Variants in ADAP2 observed in about 807,000 individuals in gnomAD.
The protein encoded by ADAP2 is arf-GAP with dual PH domain-containing protein 2.
Under a neutral mutation model 54.9 loss-of-function variants are expected in ADAP2, and 42 were observed. The ratio of observed to expected loss-of-function variants is 0.77; its 90% CI spans 0.60 to 0.99. The LOEUF is 0.99. ADAP2 is among the 50% of genes least tolerant of loss of function. The pLI is 0.00. For missense variants in ADAP2, 429 were observed against 480.4 expected, an observed-to-expected ratio of 0.89 and a Z score of 1.00; for synonymous variants, 177 against 180.1, an observed-to-expected ratio of 0.98 and a Z score of 0.14.
chr17:30,923,400 G>A (rs894978341), intron 2 of ADAP2, among the ~76,000 whole-genome samples: 1 of 151,910 alleles, frequency 6.6e-6, no homozygotes, highest in Admixed American at 6.6e-5. Context: ...AAGCAGCTGG[G>A]ATTACAGGCG....
At chr17:30,954,804 G>A (rs761086214) in intron 9 of ADAP2, among the ~76,000 whole-genome samples, 8 of 152,092 alleles carry the variant, frequency 5.3e-5, no homozygotes, top group Admixed American at 2.0e-4. Flanking sequence ...GTTAAATATG[G>A]TGTATCTCTT....
chr17:30,954,455 G>A (rs758334259), intron 8 of ADAP2, 23 bp from the exon 9 acceptor site: 3 of 1,611,564 alleles, frequency 1.9e-6, no homozygotes, highest in South Asian at 1.1e-5. Flanking sequence ...GTCATCTGTG[G>A]TAAGAAGTTC....
At chr17:30,943,844 C>A (rs868046907) in intron 5 of ADAP2, among the ~76,000 whole-genome samples, 36 of 134,506 alleles carry the variant, frequency 2.7e-4, no homozygotes, top group African/African-American at 8.8e-4. Context: ...AAGACTCTAT[C>A]TCAAAAATAA....
intron 1 of ADAP2, among the ~76,000 whole-genome samples, chr17:30,922,525 G>C (rs1473976353): frequency 6.6e-6 from 1 of 151,988 alleles, no homozygotes; most frequent in East Asian, 1.9e-4. Context: ...GCTAAACGTC[G>C]GGCCCAGGCC....
At chr17:30,947,069 C>A (rs1912731615) in intron 6 of ADAP2, among the ~76,000 whole-genome samples, 1 of 152,160 alleles carries the variant, frequency 6.6e-6, no homozygotes, top group South Asian at 2.1e-4. Flanking sequence ...CTTGATGCCC[C>A]AGCCTGTCTG....
intron 2 of ADAP2, among the ~76,000 whole-genome samples, chr17:30,923,357 C>T (rs550352563): frequency 2.0e-5 from 3 of 151,466 alleles, no homozygotes; most frequent in Non-Finnish European, 3.0e-5. Flanking sequence ...CGCTGCCTCC[C>T]GGGTTCAAGT....
In ADAP2 at chr17:30,931,869, C is replaced by G. The variant is rs372493948; in HGVS notation, c.318-20C>G. 3 of 1,596,036 alleles carry G rather than the reference C, an allele frequency of 1.9e-6. No homozygotes were observed. The African/African-American group carries it at 4.1e-5, about 22-fold the overall frequency. ...AGAGAATGCATCAAACGCAGCTGACCTCAGGCTCTCTCTTTTTAGGGTCTT... is the reference window on the plus strand; with the variant it reads ...AGAGAATGCATCAAACGCAGCTGACGTCAGGCTCTCTCTTTTTAGGGTCTT... On this transcript the variant is annotated intron_variant, in intron 3 of 10. Transcript: ENST00000330889.
chr17:30,926,677 G>T (rs1911077399), intron 2 of ADAP2, 150 bp from the exon 3 acceptor site: 2 of 655,964 alleles, frequency 3.0e-6, no homozygotes, highest in South Asian at 3.6e-5. Flanking sequence ...TACAGGCTGG[G>T]GCTTCCCAGC....
chr17:30,953,847 A>G (rs951593989), intron 8 of ADAP2, among the ~76,000 whole-genome samples: 4 of 150,882 alleles, frequency 2.7e-5, no homozygotes, highest in Non-Finnish European at 5.9e-5. Context: ...AAATTCGTGA[A>G]CTTTCTTAAA....
rs1232990802 is a variant in ADAP2, at chr17:30,958,927, T to G, written c.*1058T>G. 1 of 152,062 alleles carries G rather than the reference T, an allele frequency of 6.6e-6. No individual in the cohort carries two copies. Among genetic ancestry groups the G allele is most frequent in the African/African-American group, 2.4e-5 (1 of 41,398 alleles). The allele number at this position is 152,062 out of a possible 1,614,324, so 9.4% of individuals were successfully genotyped here. ...TCTATGCATTGTATGGGACTTTCCT[T>G]TGGATCCCCCAATCAAAGGATAAGC... On this transcript the variant is annotated 3_prime_UTR_variant, in exon 11 of 11. Coordinates refer to ENST00000330889, the MANE Select transcript of ADAP2 (RefSeq NM_018404.3).
intron 7 of ADAP2, among the ~76,000 whole-genome samples, chr17:30,951,615 T>G (rs946799940): frequency 2.2e-5 from 3 of 139,344 alleles, no homozygotes; most frequent in Non-Finnish European, 3.2e-5. Context: ...GGATTACAGG[T>G]GTGAGCCACT....
intron 10 of ADAP2, 58 bp from the exon 11 acceptor site, chr17:30,957,777 C>T (rs2142615370): frequency 5.8e-6 from 9 of 1,562,648 alleles, no homozygotes; most frequent in Non-Finnish European, 7.0e-6. Flanking sequence ...TGTCCCTCTC[C>T]TCCACAGGAC....
chr17:30,945,725 C>T (rs531070515), intron 6 of ADAP2, among the ~76,000 whole-genome samples: 1 of 150,852 alleles, frequency 6.6e-6, no homozygotes, highest in Non-Finnish European at 1.5e-5. Context: ...CACTGCACTC[C>T]AAGCCTGGGT....
At chr17:30,948,332 A>G (rs973240673) in intron 6 of ADAP2, among the ~76,000 whole-genome samples, 1 of 151,862 alleles carries the variant, frequency 6.6e-6, no homozygotes, top group Admixed American at 6.6e-5. Context: ...TAATCCCAGC[A>G]CTTTGGGAGG....
chr17:30,923,693 CTT>C (rs1013811428), intron 2 of ADAP2, among the ~76,000 whole-genome samples: 214 of 92,380 alleles, frequency 2.3e-3, no homozygotes, highest in African/African-American at 9.8e-3. Context: ...TTCTTTCTTC[CTT>C]TTTTTTTTTT....
At chr17:30,957,163 C>T (rs2142611759) in intron 10 of ADAP2, among the ~76,000 whole-genome samples, 1 of 152,328 alleles carries the variant, frequency 6.6e-6, no homozygotes, top group South Asian at 2.1e-4. Context: ...TTGAGTCTGA[C>T]TGATATAAAC....
At chr17:30,922,861 T>G (rs1910741467) in intron 1 of ADAP2, 79 bp from the exon 2 acceptor site, 1 of 1,508,082 alleles carries the variant, frequency 6.6e-7, no homozygotes, top group Non-Finnish European at 9.0e-7. Context: ...GCGCCCCACC[T>G]GCCCCAGTGC....
intron 7 of ADAP2, 72 bp downstream of exon 7, chr17:30,949,442 C>G: frequency 7.0e-7 from 1 of 1,421,918 alleles, no homozygotes. Context: ...CTGTTGACCT[C>G]GAAGACACTC....
chr17:30,957,639 C>T (rs1163072676), intron 10 of ADAP2, among the ~76,000 whole-genome samples, 196 bp from the exon 11 acceptor site: 1 of 152,096 alleles, frequency 6.6e-6, no homozygotes, highest in East Asian at 1.9e-4. Context: ...CCATGTTGCT[C>T]AGGCTGGTCT....
Sources: gnomAD v4.1 joint callset for allele counts (sites outside exome capture counted in the v4.1 genomes callset) on GRCh38, gnomAD v4.1.1 for gene constraint, MANE v1.5 for transcripts, NCBI Gene and HGNC (gene_info 2026-07-23, HGNC 2026-07-21) for gene names.